The following SLC39A9 variants were observed in gnomAD, a reference collection of about 807,000 sequenced individuals.
SLC39A9 encodes solute carrier family 39 member 9, also known as zinc transporter ZIP9.
In SLC39A9, 14 loss-of-function variants were observed where a neutral mutation model predicts 28.4. The observed-to-expected ratio is 0.49, with a 90% CI of 0.33 to 0.77. The LOEUF (loss-of-function observed/expected upper bound fraction) is 0.77. Among genes scored for constraint, SLC39A9 ranks in the 30% least tolerant of loss-of-function variants. SLC39A9 has a pLI of 0.02. For missense variants in SLC39A9, 283 were observed against 381.1 expected (o/e 0.74, Z 2.14); for synonymous variants, 119 against 149.6 (o/e 0.80, Z 1.49).
chr14:69,430,315 T>C (rs1212341935), intron 2 of SLC39A9, among the ~76,000 whole-genome samples: 1 of 152,246 alleles, frequency 6.6e-6, no homozygotes, highest in Non-Finnish European at 1.5e-5. Context: ...CTAGAACTTT[T>C]ATGATTTTCA....
At chr14:69,447,587 A>G (rs1228888292) in intron 3 of SLC39A9, among the ~76,000 whole-genome samples, 1 of 152,174 alleles carries the variant, frequency 6.6e-6, no homozygotes, top group Non-Finnish European at 1.5e-5. Flanking sequence ...CATGCTTGGC[A>G]GACTCCAGGT....
At chr14:69,403,246 C>T (rs1882735633) in intron 1 of SLC39A9, among the ~76,000 whole-genome samples, 1 of 152,120 alleles carries the variant, frequency 6.6e-6, no homozygotes, top group African/African-American at 2.4e-5. Flanking sequence ...TTTTCTTTGG[C>T]TCTAAATAAC....
At chr14:69,425,363 T>C (rs1005023164) in intron 2 of SLC39A9, among the ~76,000 whole-genome samples, 2 of 152,224 alleles carry the variant, frequency 1.3e-5, no homozygotes, top group African/African-American at 2.4e-5. Flanking sequence ...GATTCCACTA[T>C]AGAAATCACT....
chr14:69,407,260 TTTCC>T (rs1190571392), intron 1 of SLC39A9, among the ~76,000 whole-genome samples: 1 of 151,780 alleles, frequency 6.6e-6, no homozygotes, highest in African/African-American at 2.4e-5. Flanking sequence ...CTGACGTTAA[TTTCC>T]TTCCTTCCTT....
At chr14:69,421,040 C>T (rs537147611) in intron 1 of SLC39A9, among the ~76,000 whole-genome samples, 30 of 152,300 alleles carry the variant, frequency 2.0e-4, no homozygotes, top group African/African-American at 6.3e-4. Context: ...CCATTGCTGG[C>T]GAGGAGCTGC....
chr14:69,455,206 A>G (rs1238174168), intron 5 of SLC39A9, among the ~76,000 whole-genome samples: 2 of 152,156 alleles, frequency 1.3e-5, no homozygotes, highest in African/African-American at 2.4e-5. Flanking sequence ...CTTTTTTACT[A>G]TCCAAGAAAC....
At chr14:69,443,129 G>A (rs950321172) in intron 3 of SLC39A9, among the ~76,000 whole-genome samples, 3 of 152,144 alleles carry the variant, frequency 2.0e-5, no homozygotes, top group African/African-American at 7.2e-5. Flanking sequence ...AATAAAAAAG[G>A]ATTCTGATAC....
At chr14:69,440,390 C>T (rs1884984467) in intron 2 of SLC39A9, among the ~76,000 whole-genome samples, 1 of 151,980 alleles carries the variant, frequency 6.6e-6, no homozygotes, top group Non-Finnish European at 1.5e-5. Context: ...TTGAGACCAG[C>T]CTGGGCAACA....
intron 3 of SLC39A9, among the ~76,000 whole-genome samples, chr14:69,451,652 C>T (rs1425681372): frequency 2.0e-5 from 3 of 152,170 alleles, no homozygotes; most frequent in Admixed American, 6.5e-5. Flanking sequence ...TGAAGACTGC[C>T]TGCATAGATC....
At chr14:69,456,960 C>T (rs1439749525) in intron 6 of SLC39A9, among the ~76,000 whole-genome samples, 7 of 152,122 alleles carry the variant, frequency 4.6e-5, no homozygotes, top group Non-Finnish European at 8.8e-5. Context: ...GTATGTTGTT[C>T]CCTTTAACAG....
rs115756770 is a variant in SLC39A9, at chr14:69,423,515, C to T, written c.97-579C>T. On this transcript the variant is annotated intron_variant, in intron 1 of 6. Coordinates refer to ENST00000336643, the MANE Select transcript of SLC39A9 (RefSeq NM_018375.5). ...GTAGTCTCCAGAGGTTGTAGCAATT[C>T]ACATTCCTTCCAGTATTAAAGTGTA... 2.9e-3 allele frequency among the ~76,000 whole-genome samples: 447 copies of T among 152,244 alleles called. 3 individuals are homozygous for T. The highest frequency in any genetic ancestry group is 0.01 in the African/African-American group (435 of 41,534).
chr14:69,445,186 T>C (rs149562155), intron 3 of SLC39A9, among the ~76,000 whole-genome samples: 181 of 152,272 alleles, frequency 1.2e-3, no homozygotes, highest in African/African-American at 4.3e-3. Context: ...CATTTATACA[T>C]GGATTTTCTT....
chr14:69,437,851 G>A (rs758436469), intron 2 of SLC39A9, among the ~76,000 whole-genome samples: 23 of 151,942 alleles, frequency 1.5e-4, no homozygotes, highest in Non-Finnish European at 3.1e-4. Context: ...CTCCCAAAGT[G>A]CTGGGAAGAG....
chr14:69,441,980 G>A (rs1885069695), intron 2 of SLC39A9, 89 bp from the exon 3 acceptor site: 3 of 1,506,074 alleles, frequency 2.0e-6, no homozygotes, highest in Non-Finnish European at 2.6e-6. Flanking sequence ...AAAGTAAGTA[G>A]AGCTTGAAAT....
intron 2 of SLC39A9, among the ~76,000 whole-genome samples, chr14:69,441,146 G>A (rs1432097354): frequency 1.3e-5 from 2 of 152,072 alleles, no homozygotes; most frequent in African/African-American, 4.8e-5. Flanking sequence ...GGTTATGGTG[G>A]TACTTGCCTG....
intron 2 of SLC39A9, among the ~76,000 whole-genome samples, chr14:69,433,338 C>T (rs1186002459): frequency 6.6e-6 from 1 of 152,086 alleles, no homozygotes; most frequent in African/African-American, 2.4e-5. Flanking sequence ...ATTCAATTTA[C>T]TAATATTTTA....
chr14:69,421,421 A>G (rs1465192634), intron 1 of SLC39A9, among the ~76,000 whole-genome samples: 2 of 152,206 alleles, frequency 1.3e-5, no homozygotes, highest in African/African-American at 2.4e-5. Context: ...GTCGGCACCT[A>G]CCGGGAGGTA....
At chr14:69,411,617 A>G (rs1883268637) in intron 1 of SLC39A9, among the ~76,000 whole-genome samples, 1 of 152,194 alleles carries the variant, frequency 6.6e-6, no homozygotes, top group Non-Finnish European at 1.5e-5. Context: ...GTGATTTACC[A>G]TAAGCAAAAG....
chr14:69,449,721 T>C (rs1445562270), intron 3 of SLC39A9, among the ~76,000 whole-genome samples: 1 of 152,196 alleles, frequency 6.6e-6, no homozygotes, highest in Non-Finnish European at 1.5e-5. Flanking sequence ...CCTGACCTTA[T>C]TCATGGTCAG....
Sources: allele counts gnomAD v4.1 joint callset (sites outside exome capture counted in the v4.1 genomes callset), GRCh38; gene constraint gnomAD v4.1.1; transcripts MANE v1.5; gene names NCBI Gene and HGNC (gene_info 2026-07-23, HGNC 2026-07-21).